HLCS: variants seen among roughly 807,000 people sequenced by gnomAD.
The protein encoded by HLCS is holocarboxylase synthetase.
In HLCS, 53 loss-of-function variants were observed where a neutral mutation model predicts 75.0. The observed-to-expected ratio is 0.71, with a 90% CI of 0.57 to 0.89. The LOEUF is 0.89. Ranked by LOEUF, HLCS falls within the 40% of genes least tolerant of loss-of-function variation. The pLI, the probability that HLCS is intolerant of heterozygous loss-of-function variation, is 0.00. For synonymous variants in HLCS, 431 were observed against 428.6 expected (o/e 1.01, Z -0.07); for missense variants, 966 against 1,074.0 (o/e 0.90, Z 1.41).
chr21:36,926,230 G>A (rs1015088330), intron 5 of HLCS, among the ~76,000 whole-genome samples: 2 of 152,140 alleles, frequency 1.3e-5, no homozygotes, highest in Non-Finnish European at 1.5e-5. Flanking sequence ...AGCAGGGGTA[G>A]GGCACCCAGG....
At chr21:36,833,368 T>C (rs900508402) in intron 6 of HLCS, among the ~76,000 whole-genome samples, 32 of 150,794 alleles carry the variant, frequency 2.1e-4, no homozygotes, top group African/African-American at 7.5e-4. Flanking sequence ...GTGGATCACT[T>C]GAGGTCAGGA....
chr21:36,785,426 A>C (rs895606570), intron 6 of HLCS, among the ~76,000 whole-genome samples: 1 of 151,672 alleles, frequency 6.6e-6, no homozygotes, highest in Admixed American at 6.6e-5. Flanking sequence ...CTTGCCCCCA[A>C]TTCCATTTTC....
chr21:36,837,962 T>G (rs1228394283), intron 6 of HLCS, among the ~76,000 whole-genome samples: 1 of 152,254 alleles, frequency 6.6e-6, no homozygotes, highest in Non-Finnish European at 1.5e-5. Flanking sequence ...TGACCATTTA[T>G]ACACTTGATA....
At chr21:36,935,554 C>T (rs1382751417) in intron 4 of HLCS, among the ~76,000 whole-genome samples, 2 of 152,122 alleles carry the variant, frequency 1.3e-5, no homozygotes, top group South Asian at 2.1e-4. Flanking sequence ...AAAACAAAAT[C>T]GATTACACTT....
At chr21:36,801,300 T>C (rs1020390228) in intron 6 of HLCS, among the ~76,000 whole-genome samples, 1 of 152,196 alleles carries the variant, frequency 6.6e-6, no homozygotes, top group Non-Finnish European at 1.5e-5. Context: ...TTGATTTTAG[T>C]AGTTGCCTCT....
At chr21:36,826,210 C>T (rs1017277741) in intron 6 of HLCS, among the ~76,000 whole-genome samples, 6 of 152,160 alleles carry the variant, frequency 3.9e-5, no homozygotes, top group African/African-American at 1.4e-4. Flanking sequence ...TTTAAGCCAA[C>T]ATTTGAAATA....
At chr21:36,889,265 A>G (rs1462254399) in intron 6 of HLCS, among the ~76,000 whole-genome samples, 3 of 152,264 alleles carry the variant, frequency 2.0e-5, no homozygotes, top group African/African-American at 7.2e-5. Context: ...AACCTTGGAC[A>G]ACTTATTCAG....
chr21:36,983,029 G>A (rs759025333), intron 1 of HLCS, among the ~76,000 whole-genome samples: 2 of 151,334 alleles, frequency 1.3e-5, no homozygotes, highest in African/African-American at 2.4e-5. Flanking sequence ...GCGAGACTCC[G>A]TCTCAAAAAA....
At chr21:36,978,168 C>T (rs1221473208) in intron 1 of HLCS, among the ~76,000 whole-genome samples, 1 of 152,164 alleles carries the variant, frequency 6.6e-6, no homozygotes, top group East Asian at 1.9e-4. Context: ...CCAAGTCCTA[C>T]GCTGCTGCTT....
At position 36,767,294 on chromosome 21, in the gene HLCS, G is replaced by C. The variant is rs761781683; in HGVS notation, c.1893-9C>G. ...GTGTCTGAAACATCAGCCTGCCGAA[G>C]AGGGGGAAAGACCGGTTAGGCCAGA... On this transcript the variant is annotated splice_polypyrimidine_tract_variant and intron_variant, in intron 6 of 10. Coordinates refer to ENST00000674895, the MANE Select transcript of HLCS (RefSeq NM_001352514.2). The C allele has an allele frequency of 1.9e-6, 3 of 1,614,100 alleles. No individual in the cohort carries two copies. In the Admixed American group the frequency reaches 5.0e-5, roughly 27 times the overall value.
At chr21:36,866,822 A>G (rs1569120264) in intron 6 of HLCS, among the ~76,000 whole-genome samples, 2 of 151,796 alleles carry the variant, frequency 1.3e-5, no homozygotes, top group Non-Finnish European at 2.9e-5. Flanking sequence ...CTATAAAACC[A>G]AGCCAAGAAT....
intron 1 of HLCS, among the ~76,000 whole-genome samples, chr21:36,989,050 T>TTTATTTA (rs1569279196): frequency 4.0e-5 from 6 of 149,974 alleles, no homozygotes; most frequent in African/African-American, 1.5e-4. Context: ...TTATTTATTT[T>TTTATTTA]TTTTGAGACA....
At chr21:36,875,352 C>A (rs1488534131) in intron 6 of HLCS, among the ~76,000 whole-genome samples, 2 of 152,152 alleles carry the variant, frequency 1.3e-5, no homozygotes, top group Admixed American at 1.3e-4. Flanking sequence ...CCAGGACCAG[C>A]CAGGGACACC....
intron 6 of HLCS, among the ~76,000 whole-genome samples, chr21:36,800,172 T>A (rs1044294493): frequency 2.2e-4 from 33 of 152,196 alleles, no homozygotes; most frequent in African/African-American, 7.0e-4. Flanking sequence ...CACTCCATCA[T>A]CAAAGAGGAC....
At chr21:36,866,524 G>A (rs976369112) in intron 6 of HLCS, among the ~76,000 whole-genome samples, 7 of 152,154 alleles carry the variant, frequency 4.6e-5, no homozygotes, top group African/African-American at 1.7e-4. Context: ...TGTTGCGAGT[G>A]CATTACATCT....
chr21:36,756,510 G>C lies in HLCS; in HGVS notation c.2450+32C>G, dbSNP rs1163606666. On this transcript the variant is annotated intron_variant, in intron 10 of 10. Transcript: ENST00000674895. ...GAACTACTAAGATACTAATAAAGGA[G>C]TTGAAAAGAATGAAGATGAGCCAGC... 4 of 827,540 alleles carry C rather than the reference G, an allele frequency of 4.8e-6. No individual in the cohort carries two copies. The South Asian group carries it at 5.3e-5, about 11-fold the overall frequency. The allele number at this position is 827,540 out of a possible 1,614,324, so 51.3% of individuals were successfully genotyped here.
At chr21:36,786,535 G>A (rs2032320) in intron 6 of HLCS, among the ~76,000 whole-genome samples, 29,254 of 152,102 alleles carry the variant, frequency 0.19, 3,558 homozygotes, top group Middle Eastern at 0.3. Flanking sequence ...ATCAGAGGAA[G>A]GGGTGGAGAA....
At chr21:36,980,742 G>A (rs1460615561) in intron 1 of HLCS, 1 of 152,378 alleles carries the variant, frequency 6.6e-6, no homozygotes, top group Non-Finnish European at 1.5e-5. Context: ...AGTCGCCAAG[G>A]ACAGCGCAGA....
At chr21:36,757,074 G>C (rs1474900157) in intron 9 of HLCS, 1 of 422,704 alleles carries the variant, frequency 2.4e-6, no homozygotes, top group African/African-American at 2.2e-5. Flanking sequence ...TATCAGTGTT[G>C]CCTCTGAAAT....
Sources: allele counts gnomAD v4.1 joint callset (sites outside exome capture counted in the v4.1 genomes callset), GRCh38; gene constraint gnomAD v4.1.1; transcripts MANE v1.5; gene names NCBI Gene and HGNC (gene_info 2026-07-23, HGNC 2026-07-21).